The following JDP2 variants were observed in gnomAD, a reference collection of about 807,000 sequenced individuals.
The protein encoded by JDP2 is Jun dimerization protein 2.
In JDP2, 9 loss-of-function variants were observed where a neutral mutation model predicts 17.1. That is an observed-to-expected ratio of 0.53 (90% confidence interval 0.32 to 0.92). The LOEUF is 0.92. Ranked by LOEUF, JDP2 falls within the 40% of genes least tolerant of loss-of-function variation. The probability of loss-of-function intolerance (pLI) is 0.04; values close to 1 mark genes in which losing one functional copy is unlikely to be tolerated. For missense variants in JDP2, 179 were observed against 220.0 expected (o/e 0.81, Z 1.18); for synonymous variants, 107 against 95.6 (o/e 1.12, Z -0.69).
intron 1 of JDP2, chr14:75,432,446 G>A (rs550520997): frequency 1.9e-6 from 2 of 1,034,096 alleles, no homozygotes; most frequent in East Asian, 2.6e-5. Flanking sequence ...TGGCTCCCAA[G>A]GTCCCCCACT....
chr14:75,455,909 A>T (rs74067246), intron 2 of JDP2, among the ~76,000 whole-genome samples: 1,618 of 151,994 alleles, frequency 0.011, 32 homozygotes, highest in African/African-American at 0.037. Context: ...TCTGCCTTTT[A>T]TTGGCGGCTG....
intron 3 of JDP2, among the ~76,000 whole-genome samples, chr14:75,463,899 T>A (rs978284034): frequency 1.3e-5 from 2 of 152,170 alleles, no homozygotes; most frequent in Admixed American, 1.3e-4. Flanking sequence ...TGATGAATTA[T>A]ATGGTCATGG....
chr14:75,472,670 T>C lies in JDP2; in HGVS notation c.*3195T>C, dbSNP rs971059222. ...AAAAAAGGAATGGATATACAAAGTG[T>C]TTTGTGAAATAAAAGCTCCCTAAAA... On this transcript the variant is annotated 3_prime_UTR_variant, in exon 4 of 4. Transcript: ENST00000651602. The C allele has an allele frequency of 2.0e-5, 3 of 152,378 alleles. No homozygotes were observed. The East Asian group carries it at 5.8e-4, about 29-fold the overall frequency. 9.4% of individuals were successfully genotyped at this position (152,378 alleles called of 1,614,324 possible). A position where few individuals can be genotyped will look rare whatever the true frequency, so the allele number is the denominator to read the frequency against.
chr14:75,462,931 T>C (rs1886404183), intron 3 of JDP2, among the ~76,000 whole-genome samples: 1 of 152,162 alleles, frequency 6.6e-6, no homozygotes, highest in Non-Finnish European at 1.5e-5. Context: ...TGCTACAACA[T>C]TGGGCTGGGA....
chr14:75,441,032 T>A (rs1258976545), intron 2 of JDP2, among the ~76,000 whole-genome samples: 2 of 152,146 alleles, frequency 1.3e-5, no homozygotes, highest in African/African-American at 4.8e-5. Context: ...TGGATGAACC[T>A]GGCCGCAGAA....
chr14:75,441,980 GACAC>G (rs1297759948), intron 2 of JDP2, among the ~76,000 whole-genome samples: 1 of 151,700 alleles, frequency 6.6e-6, no homozygotes, highest in East Asian at 1.9e-4. Flanking sequence ...CACACACATA[GACAC>G]ACCAGACACT....
intron 2 of JDP2, among the ~76,000 whole-genome samples, chr14:75,453,837 A>G (rs1442555195): frequency 6.6e-6 from 1 of 152,182 alleles, no homozygotes; most frequent in Admixed American, 6.5e-5. Context: ...AATTCTTAGT[A>G]TGAGACAGAA....
intron 2 of JDP2, among the ~76,000 whole-genome samples, chr14:75,450,368 G>A (rs142230165): frequency 2.6e-3 from 393 of 152,296 alleles, no homozygotes; most frequent in African/African-American, 8.3e-3. Context: ...CAGGATCTAG[G>A]GTCTCTGGGT....
intron 2 of JDP2, among the ~76,000 whole-genome samples, chr14:75,455,313 C>T (rs548206177): frequency 2.0e-5 from 3 of 152,284 alleles, no homozygotes; most frequent in Non-Finnish European, 2.9e-5. Context: ...GGGATGACCA[C>T]GAGCCCTGTA....
At chr14:75,446,526 A>T (rs559419735) in intron 2 of JDP2, among the ~76,000 whole-genome samples, 1 of 152,364 alleles carries the variant, frequency 6.6e-6, no homozygotes, top group East Asian at 1.9e-4. Context: ...CCTTGGAAAC[A>T]TTATGCTGGG....
intron 3 of JDP2, among the ~76,000 whole-genome samples, chr14:75,465,855 G>T (rs535468954): frequency 1.5e-3 from 221 of 152,208 alleles, no homozygotes; most frequent in Non-Finnish European, 2.7e-3. Flanking sequence ...ACAACAAATG[G>T]TTTCATTTTC....
chr14:75,450,026 AC>A (rs1305185315), intron 2 of JDP2, among the ~76,000 whole-genome samples: 5 of 152,108 alleles, frequency 3.3e-5, no homozygotes, highest in African/African-American at 1.2e-4. Context: ...AACCAGCCTC[AC>A]ACCTCGGCGG....
chr14:75,472,459 C>G lies in JDP2; in HGVS notation c.*2984C>G, dbSNP rs530758024. Reference sequence around the variant, plus strand: ...GAGATGGCACAGACCCACCTGTGCTCACAGTACATGTTAAGAATTCCCAAG... The same window carrying G: ...GAGATGGCACAGACCCACCTGTGCTGACAGTACATGTTAAGAATTCCCAAG... On this transcript the variant is annotated 3_prime_UTR_variant, in exon 4 of 4. Coordinates refer to ENST00000651602, the MANE Select transcript of JDP2 (RefSeq NM_001135048.2). The G allele has an allele frequency of 1.3e-5, 2 of 152,338 alleles. No homozygotes were observed. The highest frequency in any genetic ancestry group is 3.9e-4 in the East Asian group (2 of 5,192). The allele number at this position is 152,338 out of a possible 1,614,324, so 9.4% of individuals were successfully genotyped here. A position where few individuals can be genotyped will look rare whatever the true frequency, so the allele number is the denominator to read the frequency against.
Position 75,428,385 on chromosome 14 carries a change from C to G in JDP2, c.-24+133C>G, listed in dbSNP as rs1884632842. 1 of 151,268 alleles carries G rather than the reference C, an allele frequency of 6.6e-6. No individual in the cohort carries two copies. Among genetic ancestry groups the G allele is most frequent in the Non-Finnish European group, 1.5e-5 (1 of 67,706 alleles). 9.4% of individuals were successfully genotyped at this position (151,268 alleles called of 1,614,324 possible). A position where few individuals can be genotyped will look rare whatever the true frequency, so the allele number is the denominator to read the frequency against. On this transcript the variant is annotated intron_variant, in intron 1 of 3. Transcript: ENST00000651602. This position sits in a 1 kb window ranked among gnomAD's most constrained non-coding sequence, Gnocchi z 5.6. ...CCAGCCCAGCCCCGCGGGGAGGCTC[C>G]CGCAGCCCAGGGACCTCGAGCTTTC...
intron 2 of JDP2, among the ~76,000 whole-genome samples, chr14:75,439,339 G>A (rs1393015080): frequency 2.6e-5 from 4 of 152,150 alleles, no homozygotes; most frequent in African/African-American, 4.8e-5. Flanking sequence ...TTGTTTGGCC[G>A]GCTCAGTGTT....
chr14:75,445,728 C>A, intron 2 of JDP2: 1 of 373,314 alleles, frequency 2.7e-6, no homozygotes, highest in Non-Finnish European at 3.7e-6. Context: ...AAGAAAACAG[C>A]TGTAAATCTT....
chr14:75,469,195 C>G, intron 3 of JDP2, 95 bp from the exon 4 acceptor site: 9 of 1,175,454 alleles, frequency 7.7e-6, no homozygotes, highest in Non-Finnish European at 1.1e-5. Context: ...CAGGCCAGTG[C>G]CAGCCCAGCG....
intron 3 of JDP2, among the ~76,000 whole-genome samples, chr14:75,467,696 C>T (rs1886625875): frequency 6.6e-6 from 1 of 152,152 alleles, no homozygotes; most frequent in African/African-American, 2.4e-5. Context: ...ACTGCCCCAG[C>T]CCGAGGGCTC....
At chr14:75,445,364 C>T (rs1885549581) in intron 2 of JDP2, 1 of 985,492 alleles carries the variant, frequency 1.0e-6, no homozygotes, top group Non-Finnish European at 1.2e-6. Flanking sequence ...TGCTGGGGCT[C>T]ATTGACTGTG....
Sources: allele counts gnomAD v4.1 joint callset (sites outside exome capture counted in the v4.1 genomes callset), GRCh38; gene constraint gnomAD v4.1.1; non-coding constraint Gnocchi (gnomAD v3.1); transcripts MANE v1.5; gene names NCBI Gene and HGNC (gene_info 2026-07-23, HGNC 2026-07-21).